Variants in SURF1 observed in about 807,000 individuals in gnomAD.
SURF1 encodes the protein SURF1 cytochrome c oxidase assembly factor.
Under a neutral mutation model 34.1 loss-of-function variants are expected in SURF1, and 45 were observed. The ratio of observed to expected loss-of-function variants is 1.32; its 90% CI spans 1.04 to 1.69. SURF1 has a LOEUF of 1.69. Ranked by LOEUF, SURF1 falls within the 40% of genes most tolerant of loss-of-function variation. The pLI, the probability that SURF1 is intolerant of heterozygous loss-of-function variation, is 0.00. For synonymous variants in SURF1, 188 were observed against 147.5 expected, an observed-to-expected ratio of 1.27 and a Z score of -1.99; for missense variants, 456 against 384.6, an observed-to-expected ratio of 1.19 and a Z score of -1.55.
Position 133,352,268 on chromosome 9 carries a change from C to T in SURF1, c.752-126G>A. 5 of 1,368,826 alleles carry T rather than the reference C, an allele frequency of 3.7e-6. No individual in the cohort carries two copies. The Admixed American group carries it at 9.8e-5, about 27-fold the overall frequency. The allele number at this position is 1,368,826 out of a possible 1,614,324, so 84.8% of individuals were successfully genotyped here. ...TATGGCCTTTACGTTGGGTGACCATCCCCGCCCTTGTCCGCTCAGTACTTG... is the reference window on the plus strand; with the variant it reads ...TATGGCCTTTACGTTGGGTGACCATTCCCGCCCTTGTCCGCTCAGTACTTG... On this transcript the variant is annotated intron_variant, in intron 7 of 8. Transcript: ENST00000371974.
chr9:133,354,546 G>A lies in SURF1; in HGVS notation c.323+113C>T, dbSNP rs1344230710. 5 of 1,268,826 alleles carry A rather than the reference G, an allele frequency of 3.9e-6. No individual in the cohort carries two copies. In the East Asian group the frequency reaches 9.2e-5, roughly 23 times the overall value. The allele number at this position is 1,268,826 out of a possible 1,614,324, so 78.6% of individuals were successfully genotyped here. ...CTGATAATGAGAGCTCCCACCTGAG[G>A]TCAAGGCAGTGACTAAAAGTCCCAC... On this transcript the variant is annotated intron_variant, in intron 4 of 8. Coordinates refer to ENST00000371974, the MANE Select transcript of SURF1 (RefSeq NM_003172.4).
intron 4 of SURF1, chr9:133,354,272 T>G (rs112641829): frequency 1.6e-5 from 8 of 494,258 alleles, no homozygotes; most frequent in Non-Finnish European, 2.6e-5. Flanking sequence ...CCTATCTCTG[T>G]AGGGCATATT....
chr9:133,351,814 G>A lies in SURF1; in HGVS notation c.*99C>T, dbSNP rs932112051. On this transcript the variant is annotated 3_prime_UTR_variant, in exon 9 of 9. Transcript: ENST00000371974. The stretch of plus-strand genomic sequence containing the variant: ...TGAACCAGTCATGAGCTCATTTAAG[G>A]TAGAAGGCCAGAACTTTATACCAGT... 8 of 1,350,528 alleles carry A rather than the reference G, an allele frequency of 5.9e-6. No individual in the cohort carries two copies. Among genetic ancestry groups the A allele is most frequent in the Admixed American group, 2.0e-5 (1 of 50,980 alleles). 83.7% of individuals were successfully genotyped at this position (1,350,528 alleles called of 1,614,324 possible).
At chr9:133,355,603 T>G (rs1192065103) in intron 2 of SURF1, among the ~76,000 whole-genome samples, 2 of 152,190 alleles carry the variant, frequency 1.3e-5, no homozygotes, top group African/African-American at 2.4e-5. Context: ...GCAGCTACAG[T>G]TACTAAGTAG....
In SURF1 at chr9:133,352,061, C is replaced by G; in HGVS notation, c.833G>C (p.Trp278Ser). The change falls in exon 8 of 9, where the codon TGG (tryptophan) becomes TCG (serine). Residue 278 changes from tryptophan (W) to serine (S), a missense_variant and splice_region_variant. Transcript: ENST00000371974. ...RNEHLQYIVT[W>S]YGLSAATSYL... ...AGCCAGAGGGCCGCTGGGGACTCAC[C>G]AGGTCACGATGTACTGCAGATGCTC... is the stretch of plus-strand genomic sequence containing the variant. 1.2e-6 allele frequency: 2 copies of G among 1,611,878 alleles called. No homozygotes were observed. The highest frequency in any genetic ancestry group is 1.7e-6 in the Non-Finnish European group (2 of 1,179,002).
chr9:133,353,909 G>T lies in SURF1; in HGVS notation c.355C>A (p.Pro119Thr). Residue 119 changes from proline to threonine, a missense_variant, in exon 5 of 9, where the codon CCA (proline) becomes ACA (threonine). Pro to Thr is a conservative substitution (Grantham distance 38). Transcript: ENST00000371974. ...TCAAAGCACCCCCTGACCTTCACTGGCCTATACTCCAGATTTTTCAGTTCC... is the reference window on the plus strand; with the variant it reads ...TCAAAGCACCCCCTGACCTTCACTGTCCTATACTCCAGATTTTTCAGTTCC... ...PMELKNLEYR[P>T]VKVRGCFDHS... 1 of 1,613,894 alleles carries T rather than the reference G, an allele frequency of 6.2e-7. No homozygotes were observed. The highest frequency in any genetic ancestry group is 8.5e-7 in the Non-Finnish European group (1 of 1,180,040).
Position 133,352,146 on chromosome 9 carries a change from T to G in SURF1, c.752-4A>C, listed in dbSNP as rs1458022944. The G allele has an allele frequency of 1.9e-5, 31 of 1,592,608 alleles. No individual in the cohort carries two copies. Among genetic ancestry groups the G allele is most frequent in the Non-Finnish European group, 2.7e-5 (31 of 1,168,822 alleles). Reference sequence around the variant, plus strand: ...GGTCCTCCAGGGACTGTGCTCTCTGTGGAGACAGCAGACTCAAGTCCACCC... The same window carrying G: ...GGTCCTCCAGGGACTGTGCTCTCTGGGGAGACAGCAGACTCAAGTCCACCC... On this transcript the variant is annotated splice_polypyrimidine_tract_variant and splice_region_variant and intron_variant, in intron 7 of 8. Transcript: ENST00000371974.
rs2130009243 is a variant in SURF1 at position 133,352,691 on chromosome 9, T to C, written c.588+3A>G. ...TAAAGTAGGAAGAGTCCATGTCCCT[T>C]ACCTGGCCTTTCTGCCGGGTTTCAG... is the stretch of plus-strand genomic sequence containing the variant. On this transcript the variant is annotated splice_donor_region_variant and intron_variant, in intron 6 of 8. Transcript: ENST00000371974. 6.2e-7 allele frequency: 1 copy of C among 1,613,680 alleles called. No homozygotes were observed. Among genetic ancestry groups the C allele is most frequent in the African/African-American group, 1.3e-5 (1 of 75,052 alleles).
intron 1 of SURF1, 26 bp from the exon 2 acceptor site, chr9:133,356,346 G>A (rs2130025636): frequency 1.4e-6 from 2 of 1,399,658 alleles, no homozygotes; most frequent in Admixed American, 4.7e-5. Context: ...GGCGGGCTGA[G>A]CTCCGGGACC....
rs1223290269 is a variant in SURF1, at chr9:133,351,891, CAG to C, written c.*20_*21del. ...CTTGAAATACTGCATTATCCAGGGA[CAG>C]GGCTTCAGCAGCTGATCTGTCACAC... On this transcript the variant is annotated 3_prime_UTR_variant, in exon 9 of 9. Coordinates refer to ENST00000371974, the MANE Select transcript of SURF1 (RefSeq NM_003172.4). The C allele has an allele frequency of 1.2e-6, 2 of 1,611,220 alleles. No individual in the cohort carries two copies. Among genetic ancestry groups the C allele is most frequent in the African/African-American group, 2.7e-5 (2 of 74,904 alleles).
rs144812959 is a variant in SURF1, at chr9:133,352,255, G to A, written c.752-113C>T. On this transcript the variant is annotated intron_variant, in intron 7 of 8. Transcript: ENST00000371974. ...GTTGGAAGTCCTGTATGGCCTTTAC[G>A]TTGGGTGACCATCCCCGCCCTTGTC... 5.0e-5 allele frequency: 68 copies of A among 1,367,742 alleles called. No individual in the cohort carries two copies. In the East Asian group the frequency reaches 1.3e-3, roughly 27 times the overall value. 84.7% of individuals were successfully genotyped at this position (1,367,742 alleles called of 1,614,324 possible).
chr9:133,354,370 G>C (rs1445390837), intron 4 of SURF1: 4 of 521,004 alleles, frequency 7.7e-6, no homozygotes, highest in African/African-American at 1.9e-5. Context: ...CTCAGCCACA[G>C]GGCCTTGGGC....
chr9:133,352,221 G>C (rs1259782393), intron 7 of SURF1, 79 bp from the exon 8 acceptor site: 26 of 1,467,702 alleles, frequency 1.8e-5, no homozygotes, highest in Non-Finnish European at 2.2e-5. Flanking sequence ...TGTCATTTTT[G>C]CGTGGCCAGT....
At chr9:133,353,191 T>C (rs2130012557) in intron 5 of SURF1, among the ~76,000 whole-genome samples, 42 of 152,330 alleles carry the variant, frequency 2.8e-4, no homozygotes, top group African/African-American at 9.9e-4. Flanking sequence ...AGATGAGTAC[T>C]TGGGCCCCAT....
chr9:133,352,774 A>T lies in SURF1; in HGVS notation c.516-8T>A, dbSNP rs374829956. 1 of 1,608,628 alleles carries T rather than the reference A, an allele frequency of 6.2e-7. No homozygotes were observed. Among genetic ancestry groups the T allele is most frequent in the Non-Finnish European group, 8.5e-7 (1 of 1,177,902 alleles). On this transcript the variant is annotated splice_region_variant and splice_polypyrimidine_tract_variant and intron_variant, in intron 5 of 8. Coordinates refer to ENST00000371974, the MANE Select transcript of SURF1 (RefSeq NM_003172.4). ...TTTACCAGGATGGTGACTCTAGGGT[A>T]ATGAAAGTGCTACTTCAGGTGGGGA...
Position 133,351,918 on chromosome 9 carries a change from CA to C in SURF1, c.897del (p.Val300CysfsTer45), listed in dbSNP as rs2130002572. The C allele has an allele frequency of 2.5e-6, 4 of 1,613,528 alleles. No individual in the cohort carries two copies. The African/African-American group carries it at 5.3e-5, about 22-fold the overall frequency. On this transcript the variant is annotated frameshift_variant, in exon 9 of 9. Transcript: ENST00000371974. LOFTEE classifies it high-confidence loss of function. The part of the protein sequence containing the change: ...WFKKFLRGTP[G>X]V ...GGGCTTCAGCAGCTGATCTGTCACA[CA>C]CCAGGTGTCCCACGTAGGAATTTCT... is the stretch of plus-strand genomic sequence containing the variant.
At chr9:133,352,280 C>A in intron 7 of SURF1, 138 bp from the exon 8 acceptor site, 1 of 1,376,886 alleles carries the variant, frequency 7.3e-7, no homozygotes, top group Non-Finnish European at 1.0e-6. Flanking sequence ...CCGCCCTTGT[C>A]CGCTCAGTAC....
At chr9:133,355,076 G>C (rs764549550) in intron 2 of SURF1, 119 bp from the exon 3 acceptor site, 8 of 1,345,948 alleles carry the variant, frequency 5.9e-6, no homozygotes, top group Non-Finnish European at 7.3e-6. Flanking sequence ...GAGCCAACTA[G>C]CAGCACCTGT....
chr9:133,352,337 T>C (rs1836442873), intron 7 of SURF1, 109 bp downstream of exon 7: 16 of 1,569,564 alleles, frequency 1.0e-5, no homozygotes, highest in African/African-American at 1.3e-5. Flanking sequence ...ACCCGCCATA[T>C]ACACATGTGA....
Sources: allele counts gnomAD v4.1 joint callset (sites outside exome capture counted in the v4.1 genomes callset), GRCh38; gene constraint gnomAD v4.1.1; transcripts MANE v1.5; gene names NCBI Gene and HGNC (gene_info 2026-07-23, HGNC 2026-07-21).